ADGRB3: variants seen among roughly 807,000 people sequenced by gnomAD.
ADGRB3 encodes adhesion G protein-coupled receptor B3, also known as brain-specific angiogenesis inhibitor 3.
In ADGRB3, 37 loss-of-function variants were observed where a neutral mutation model predicts 193.4. The ratio of observed to expected loss-of-function variants is 0.19; its 90% CI spans 0.15 to 0.25. The LOEUF (loss-of-function observed/expected upper bound fraction) is 0.25, where lower values mean the gene tolerates loss of function less well. Ranked by LOEUF, ADGRB3 falls within the 10% of genes least tolerant of loss-of-function variation. ADGRB3 has a pLI of 1.00. For missense variants in ADGRB3, 1,637 were observed against 1,852.9 expected, an observed-to-expected ratio of 0.88 and a Z score of 2.14; for synonymous variants, 690 against 644.2, an observed-to-expected ratio of 1.07 and a Z score of -1.08.
chr6:68,765,731 A>T (rs1220898346), intron 3 of ADGRB3, among the ~76,000 whole-genome samples: 1 of 152,106 alleles, frequency 6.6e-6, no homozygotes, highest in Non-Finnish European at 1.5e-5. Context: ...TCCTAAGATC[A>T]AAGTTATACT....
At chr6:68,998,793 A>G (rs1769470395) in intron 11 of ADGRB3, among the ~76,000 whole-genome samples, 1 of 152,358 alleles carries the variant, frequency 6.6e-6, no homozygotes, top group Middle Eastern at 3.4e-3. Context: ...AGTGAATGCA[A>G]CATATGCAGC....
intron 20 of ADGRB3, among the ~76,000 whole-genome samples, chr6:69,243,326 A>G (rs1490141941): frequency 6.6e-6 from 1 of 152,016 alleles, no homozygotes. Context: ...ATGAGGGCCT[A>G]GGTCTTTGAC....
At chr6:68,844,290 A>G (rs1477831878) in intron 3 of ADGRB3, among the ~76,000 whole-genome samples, 1 of 152,152 alleles carries the variant, frequency 6.6e-6, no homozygotes, top group Non-Finnish European at 1.5e-5. Context: ...ACAAATGATT[A>G]ATAACTAGAA....
intron 3 of ADGRB3, among the ~76,000 whole-genome samples, chr6:68,717,833 G>A (rs1488802896): frequency 6.6e-6 from 1 of 151,556 alleles, no homozygotes; most frequent in East Asian, 1.9e-4. Flanking sequence ...AAAATGTGAG[G>A]GCAAGGATGT....
intron 17 of ADGRB3, among the ~76,000 whole-genome samples, chr6:69,222,681 C>T (rs1765920944): frequency 6.6e-6 from 1 of 151,932 alleles, no homozygotes; most frequent in South Asian, 2.1e-4. Flanking sequence ...AAAATATTAT[C>T]TAATATTTAT....
chr6:68,734,835 A>G (rs1333812262), intron 3 of ADGRB3, among the ~76,000 whole-genome samples: 2 of 152,078 alleles, frequency 1.3e-5, no homozygotes, highest in Non-Finnish European at 2.9e-5. Flanking sequence ...AGATGTGACA[A>G]TTAAACTGAT....
At chr6:69,259,642 G>A (rs1160987624) in intron 20 of ADGRB3, among the ~76,000 whole-genome samples, 2 of 144,872 alleles carry the variant, frequency 1.4e-5, no homozygotes, top group African/African-American at 5.2e-5. Context: ...CTTGCAGTGA[G>A]CCGAGATGGC....
At chr6:68,755,314 T>C (rs570887979) in intron 3 of ADGRB3, among the ~76,000 whole-genome samples, 1 of 152,306 alleles carries the variant, frequency 6.6e-6, no homozygotes, top group South Asian at 2.1e-4. Context: ...AAAGGACCCC[T>C]GTCTCCAGAG....
At chr6:68,640,091 C>T (rs947157029) in intron 3 of ADGRB3, among the ~76,000 whole-genome samples, 2 of 152,282 alleles carry the variant, frequency 1.3e-5, no homozygotes, top group East Asian at 1.9e-4. Flanking sequence ...TCACTAGAAG[C>T]GCAAACTCTC....
intron 17 of ADGRB3, among the ~76,000 whole-genome samples, chr6:69,231,964 C>A (rs1263999491): frequency 6.6e-6 from 1 of 152,080 alleles, no homozygotes; most frequent in African/African-American, 2.4e-5. Flanking sequence ...CACAAAGAAA[C>A]CTGTCTCATT....
intron 3 of ADGRB3, among the ~76,000 whole-genome samples, chr6:68,720,734 C>T (rs531303152): frequency 3.9e-5 from 6 of 151,914 alleles, no homozygotes; most frequent in East Asian, 1.9e-4. Context: ...CTTCTTCCCA[C>T]GGTTACCATA....
chr6:68,966,042 G>A (rs1582355149), intron 8 of ADGRB3, among the ~76,000 whole-genome samples: 2 of 151,560 alleles, frequency 1.3e-5, no homozygotes, highest in African/African-American at 2.4e-5. Context: ...AACTATTTTC[G>A]GCATCTCCTC....
At chr6:68,825,245 A>G (rs1024694100) in intron 3 of ADGRB3, among the ~76,000 whole-genome samples, 3 of 151,996 alleles carry the variant, frequency 2.0e-5, no homozygotes, top group Admixed American at 2.0e-4. Context: ...TGTTTTGTAC[A>G]TATGTACTGT....
At chr6:68,905,550 G>C (rs1766519863) in intron 3 of ADGRB3, among the ~76,000 whole-genome samples, 1 of 152,076 alleles carries the variant, frequency 6.6e-6, no homozygotes, top group African/African-American at 2.4e-5. Flanking sequence ...GACAATTCTA[G>C]CAGGCGTCCC....
intron 17 of ADGRB3, among the ~76,000 whole-genome samples, chr6:69,080,867 T>A (rs1772367153): frequency 6.6e-6 from 1 of 151,988 alleles, no homozygotes; most frequent in African/African-American, 2.4e-5. Context: ...AGTCGATACT[T>A]TAGTAAGAAA....
chr6:69,314,911 A>G (rs1768280500), intron 20 of ADGRB3, among the ~76,000 whole-genome samples: 1 of 151,584 alleles, frequency 6.6e-6, no homozygotes, highest in Admixed American at 6.6e-5. Context: ...TCATTTCATT[A>G]GTTGAGGTGC....
intron 20 of ADGRB3, among the ~76,000 whole-genome samples, chr6:69,295,935 T>C (rs935566567): frequency 6.6e-6 from 1 of 152,166 alleles, no homozygotes; most frequent in African/African-American, 2.4e-5. Context: ...CTAGAATATG[T>C]CTATGAATCA....
chr6:69,128,204 T>C (rs1357933140), intron 17 of ADGRB3, among the ~76,000 whole-genome samples: 5 of 152,172 alleles, frequency 3.3e-5, no homozygotes, highest in African/African-American at 1.2e-4. Flanking sequence ...TTATGTTCAC[T>C]GTCACCTGTC....
At chr6:68,724,244 A>G (rs1175427302) in intron 3 of ADGRB3, among the ~76,000 whole-genome samples, 1 of 151,694 alleles carries the variant, frequency 6.6e-6, no homozygotes, top group African/African-American at 2.4e-5. Flanking sequence ...TTATCACATT[A>G]GAAGTCCTTT....
Sources: allele counts gnomAD v4.1 joint callset (sites outside exome capture counted in the v4.1 genomes callset), GRCh38; gene constraint gnomAD v4.1.1; transcripts MANE v1.5; gene names NCBI Gene and HGNC (gene_info 2026-07-23, HGNC 2026-07-21).